KIF19: variants seen among roughly 807,000 people sequenced by gnomAD.
KIF19 encodes kinesin-like protein KIF19.
Under a neutral mutation model 106.6 loss-of-function variants are expected in KIF19, and 98 were observed. That is an observed-to-expected ratio of 0.92 (90% CI 0.78 to 1.09). KIF19 has a LOEUF of 1.09. Among genes scored for constraint, KIF19 ranks in the 50% least tolerant of loss-of-function variants. The probability of loss-of-function intolerance (pLI) is 0.00; values close to 1 mark genes in which losing one functional copy is unlikely to be tolerated. For missense variants in KIF19, 1,373 were observed against 1,414.3 expected, an observed-to-expected ratio of 0.97 and a Z score of 0.47; for synonymous variants, 516 against 584.2, an observed-to-expected ratio of 0.88 and a Z score of 1.68.
chr17:74,350,837 G>T lies in KIF19; in HGVS notation c.1519G>T (p.Glu507Ter). 6.2e-7 allele frequency: 1 copy of T among 1,614,022 alleles called. No homozygotes were observed. Among genetic ancestry groups the T allele is most frequent in the Non-Finnish European group, 8.5e-7 (1 of 1,179,894 alleles). Residue 507 changes from glutamate (E) to a stop codon, truncating the protein, a stop_gained, in exon 12 of 20, where the codon GAG (glutamate) becomes TAG (stop). Coordinates refer to ENST00000389916, the MANE Select transcript of KIF19 (RefSeq NM_153209.4). LOFTEE classifies it high-confidence loss of function. The part of the protein sequence containing the change: ...DDQPDILEPP[E>*]VAAARESIAA... ...CCAACCAGACATCCTGGAGCCACCC[G>T]AGGTGGCCGCAGCCCGGGAGAGCAT...
Position 74,351,908 on chromosome 17 carries a change from C to T in KIF19, c.1629C>T (p.Gly543=), listed in dbSNP as rs2054713027. The T allele has an allele frequency of 1.4e-6, 2 of 1,423,894 alleles. No homozygotes were observed. Among genetic ancestry groups the T allele is most frequent in the African/African-American group, 1.5e-5 (1 of 66,338 alleles). The allele number at this position is 1,423,894 out of a possible 1,614,324, so 88.2% of individuals were successfully genotyped here. A position where few individuals can be genotyped will look rare whatever the true frequency, so the allele number is the denominator to read the frequency against. ...GCTGCCGGGAGCTGCGCGCGCGGGGCCGGCGCCTGGAGGAGACGCTGCCGC... is the reference window on the plus strand; with the variant it reads ...GCTGCCGGGAGCTGCGCGCGCGGGGTCGGCGCCTGGAGGAGACGCTGCCGC... ...EQRCRELRAR[G]RRLEETLPRR... The change falls in exon 13 of 20, where the codon GGC becomes GGT. Residue 543 remains glycine (G), a synonymous_variant. Transcript: ENST00000389916.
intron 4 of KIF19, among the ~76,000 whole-genome samples, 151 bp downstream of exon 4, chr17:74,342,868 C>A (rs1466167124): frequency 1.3e-5 from 2 of 152,168 alleles, no homozygotes; most frequent in Non-Finnish European, 2.9e-5. Context: ...AGGCCCCAAC[C>A]CGAGCCGGGG....
In KIF19 at chr17:74,353,579, A is replaced by G. The variant is rs761107756; in HGVS notation, c.2306A>G (p.Lys769Arg). ...ENLSEIPLSH[K>R]ERKEILTGTK... ...CTGTCGGAGATCCCCTTGTCCCACA[A>G]AGGTATGTGTGCCCTCTGCTGCCCG... Residue 769 changes from lysine (K) to arginine (R), a missense_variant and splice_region_variant, in exon 17 of 20, where the codon AAA becomes AGA. Physicochemically the swap from Lys to Arg is conservative, Grantham distance 26. Around this residue, in one of 3 missense-constraint regions of KIF19, gnomAD observed 1,020 missense variants for 1,008.2 expected, o/e 1.01. Coordinates refer to ENST00000389916, the MANE Select transcript of KIF19 (RefSeq NM_153209.4). 2 of 1,612,852 alleles carry G rather than the reference A, an allele frequency of 1.2e-6. No individual in the cohort carries two copies. Among genetic ancestry groups the G allele is most frequent in the Admixed American group, 1.7e-5 (1 of 60,016 alleles).
chr17:74,346,146 A>G lies in KIF19; in HGVS notation c.778-232A>G, dbSNP rs2054524511. 6.6e-6 allele frequency among the ~76,000 whole-genome samples: 1 copy of G among 152,200 alleles called. No individual in the cohort carries two copies. Among genetic ancestry groups the G allele is most frequent in the African/African-American group, 2.4e-5 (1 of 41,458 alleles). On this transcript the variant is annotated intron_variant, in intron 7 of 19. Coordinates refer to ENST00000389916, the MANE Select transcript of KIF19 (RefSeq NM_153209.4). This position sits in a 1 kb window ranked among gnomAD's most constrained non-coding sequence, Gnocchi z 4.6. ...TGCCACGGCACCTGCCCTGAGGAGA[A>G]CCGGCCATCTCAGCCCTCCTCAGAA...
At chr17:74,349,460 G>T (rs1432039150) in intron 10 of KIF19, 111 bp downstream of exon 10, 3 of 1,106,214 alleles carry the variant, frequency 2.7e-6, no homozygotes, top group Non-Finnish European at 3.8e-6. Context: ...CTGGCTGGGT[G>T]GTTGAGCTAG....
chr17:74,340,555 G>GCAAACACACACACACA, intron 2 of KIF19, among the ~76,000 whole-genome samples: 1 of 148,210 alleles, frequency 6.7e-6, no homozygotes, highest in African/African-American at 2.5e-5. Flanking sequence ...ATGCGCGCGC[G>GCAAACACACACACACA]TACACACACA....
rs550797745 is a variant in KIF19 at position 74,348,616 on chromosome 17, C to T, written c.1048-568C>T. 65 of 160,794 alleles carry T rather than the reference C, an allele frequency of 4.0e-4. 3 individuals carry two copies. The South Asian group carries it at 9.2e-3, about 23-fold the overall frequency. 10.0% of individuals were successfully genotyped at this position (160,794 alleles called of 1,614,324 possible). A position where few individuals can be genotyped will look rare whatever the true frequency, so the allele number is the denominator to read the frequency against. On this transcript the variant is annotated intron_variant, in intron 9 of 19. Coordinates refer to ENST00000389916, the MANE Select transcript of KIF19 (RefSeq NM_153209.4). Reference sequence around the variant, plus strand: ...TTTATTCCAACCCCTCAATGGGGGACGGGAGACACATTCTTGAAACAGCTC... The same window carrying T: ...TTTATTCCAACCCCTCAATGGGGGATGGGAGACACATTCTTGAAACAGCTC...
Sources: gnomAD v4.1 joint callset for allele counts (sites outside exome capture counted in the v4.1 genomes callset) on GRCh38, gnomAD v4.1.1 for gene constraint, gnomAD v4.1.1 regional missense constraint, Gnocchi (gnomAD v3.1) non-coding constraint, MANE v1.5 for transcripts, NCBI Gene and HGNC (gene_info 2026-07-23, HGNC 2026-07-21) for gene names.